Variants in ADGRL3 observed in about 807,000 individuals in gnomAD.
ADGRL3 encodes the protein calcium-independent alpha-latrotoxin receptor 3.
A neutral mutation model predicts 153.5 loss-of-function variants in ADGRL3; 62 were observed. The observed-to-expected ratio is 0.40, with a 90% CI of 0.33 to 0.50. The LOEUF is 0.50. Among genes scored for constraint, ADGRL3 ranks in the 20% least tolerant of loss-of-function variants. The pLI is 0.47. For synonymous variants in ADGRL3, 710 were observed against 672.5 expected, an observed-to-expected ratio of 1.06 and a Z score of -0.86; for missense variants, 1,641 against 1,859.4, an observed-to-expected ratio of 0.88 and a Z score of 2.16.
At chr4:61,424,308 T>C (rs764779235) in intron 2 of ADGRL3, among the ~76,000 whole-genome samples, 43 of 152,162 alleles carry the variant, frequency 2.8e-4, no homozygotes, top group Non-Finnish European at 6.0e-4. Flanking sequence ...TACCTTGGCC[T>C]ACTCTTGACT....
At chr4:61,958,130 A>G (rs1053326208) in intron 17 of ADGRL3, among the ~76,000 whole-genome samples, 26 of 152,134 alleles carry the variant, frequency 1.7e-4, no homozygotes, top group African/African-American at 5.8e-4. Context: ...ATCTCTTGAA[A>G]CGTATTTATC....
intron 4 of ADGRL3, among the ~76,000 whole-genome samples, chr4:61,520,867 G>T (rs1228792546): frequency 6.6e-6 from 1 of 151,752 alleles, no homozygotes; most frequent in Admixed American, 6.6e-5. Context: ...CTTTCCAACA[G>T]CTTTCTCTGC....
chr4:61,260,011 A>T (rs72633459), intron 1 of ADGRL3, among the ~76,000 whole-genome samples: 1,941 of 152,286 alleles, frequency 0.013, 27 homozygotes, highest in Middle Eastern at 0.017. Flanking sequence ...CAATCGAGGA[A>T]ATTCAAATTT....
intron 2 of ADGRL3, among the ~76,000 whole-genome samples, chr4:61,470,092 TATAAATCATACTCCTA>T (rs1427967943): frequency 6.6e-6 from 1 of 152,034 alleles, no homozygotes; most frequent in Admixed American, 6.6e-5. Context: ...ATCCACGTAT[TATAAATCATACTCCTA>T]ATGGGAGTAT....
intron 2 of ADGRL3, among the ~76,000 whole-genome samples, chr4:61,383,605 A>C (rs1214157042): frequency 6.6e-6 from 1 of 151,788 alleles, no homozygotes; most frequent in Non-Finnish European, 1.5e-5. Flanking sequence ...CAATGTGTTA[A>C]AGTCATTTTT....
At chr4:61,314,499 C>T (rs1036002457) in intron 1 of ADGRL3, among the ~76,000 whole-genome samples, 14 of 152,154 alleles carry the variant, frequency 9.2e-5, no homozygotes, top group African/African-American at 3.1e-4. Flanking sequence ...TGAGCCACTG[C>T]GCTGGGCCCC....
Position 61,393,557 on chromosome 4 carries a change from T to C in ADGRL3, c.-174+10368T>C, listed in dbSNP as rs1000741107. Among the ~76,000 whole-genome samples the C allele has an allele frequency of 2.0e-5, 3 of 152,070 alleles. No individual in the cohort carries two copies. In the South Asian group the frequency reaches 6.2e-4, roughly 31 times the overall value. ...TCAGAATTTAAAATGTCAATAATAATTTAGAGCCTTTACTTAATTATGAAA... is the reference window on the plus strand; with the variant it reads ...TCAGAATTTAAAATGTCAATAATAACTTAGAGCCTTTACTTAATTATGAAA... On this transcript the variant is annotated intron_variant, in intron 2 of 26. Transcript: ENST00000683033.
At chr4:61,978,149 C>G (rs1429443311) in intron 17 of ADGRL3, among the ~76,000 whole-genome samples, 1 of 152,106 alleles carries the variant, frequency 6.6e-6, no homozygotes, top group Non-Finnish European at 1.5e-5. Flanking sequence ...TGTGTATGAT[C>G]TATATAGTTG....
intron 13 of ADGRL3, among the ~76,000 whole-genome samples, 168 bp downstream of exon 13, chr4:61,912,925 T>C (rs530110120): frequency 5.6e-4 from 86 of 152,230 alleles, no homozygotes; most frequent in African/African-American, 2.0e-3. Context: ...GCAGTGCCAA[T>C]GCTCTGTCAA....
At chr4:61,333,756 C>T (rs915467921) in intron 1 of ADGRL3, among the ~76,000 whole-genome samples, 4 of 151,822 alleles carry the variant, frequency 2.6e-5, no homozygotes, top group African/African-American at 7.3e-5. Flanking sequence ...GCCACCATAT[C>T]CAGCAATTAA....
chr4:61,965,696 A>G (rs2099003932), intron 17 of ADGRL3, among the ~76,000 whole-genome samples: 1 of 152,082 alleles, frequency 6.6e-6, no homozygotes, highest in Non-Finnish European at 1.5e-5. Flanking sequence ...GCTTGCAGTG[A>G]GCTGAGATCA....
intron 5 of ADGRL3, among the ~76,000 whole-genome samples, chr4:61,603,598 G>A (rs1344601704): frequency 1.3e-5 from 2 of 152,040 alleles, no homozygotes; most frequent in African/African-American, 2.4e-5. Context: ...TTTTATGTAC[G>A]GTCAAAGTTT....
At chr4:62,014,280 C>T (rs1560507385) in intron 21 of ADGRL3, among the ~76,000 whole-genome samples, 1 of 152,104 alleles carries the variant, frequency 6.6e-6, no homozygotes, top group Admixed American at 6.6e-5. Flanking sequence ...AGGGAAAGTG[C>T]TGCCAGTGGG....
chr4:61,795,089 A>AT (rs1283658814), intron 8 of ADGRL3, among the ~76,000 whole-genome samples: 1 of 152,236 alleles, frequency 6.6e-6, no homozygotes, highest in Admixed American at 6.5e-5. Flanking sequence ...TAAAACAATT[A>AT]TAACTATTCT....
chr4:61,594,903 C>T (rs528270240), intron 5 of ADGRL3, among the ~76,000 whole-genome samples: 1 of 152,276 alleles, frequency 6.6e-6, no homozygotes, highest in African/African-American at 2.4e-5. Flanking sequence ...GTCCTTCCCA[C>T]TCTTCCTTCC....
intron 21 of ADGRL3, among the ~76,000 whole-genome samples, chr4:62,016,517 C>T (rs974072584): frequency 9.2e-5 from 14 of 152,144 alleles, no homozygotes; most frequent in African/African-American, 2.9e-4. Context: ...CAGTATCCTA[C>T]ATTAAATCTG....
intron 5 of ADGRL3, among the ~76,000 whole-genome samples, chr4:61,599,092 AAAGATAC>A (rs1199025662): frequency 1.3e-5 from 2 of 152,244 alleles, no homozygotes; most frequent in African/African-American, 4.8e-5. Context: ...ATGAAGACCC[AAAGATAC>A]AGGATAAATT....
At chr4:61,808,364 G>A (rs998794060) in intron 8 of ADGRL3, among the ~76,000 whole-genome samples, 11 of 152,038 alleles carry the variant, frequency 7.2e-5, no homozygotes, top group African/African-American at 1.9e-4. Context: ...AGTAAAATCC[G>A]CTGAGAGGCC....
chr4:61,610,726 G>A (rs923786346), intron 5 of ADGRL3, among the ~76,000 whole-genome samples: 3 of 151,620 alleles, frequency 2.0e-5, no homozygotes, highest in African/African-American at 7.3e-5. Flanking sequence ...GCTTGTCGGT[G>A]GACAGATAAA....
Sources: allele counts gnomAD v4.1 joint callset (sites outside exome capture counted in the v4.1 genomes callset), GRCh38; gene constraint gnomAD v4.1.1; transcripts MANE v1.5; gene names NCBI Gene and HGNC (gene_info 2026-07-23, HGNC 2026-07-21).